The following COL5A1 variants were observed in gnomAD, a reference collection of about 807,000 sequenced individuals.
The protein encoded by COL5A1 is collagen alpha-1(V) chain.
Under a neutral mutation model 263.7 loss-of-function variants are expected in COL5A1, and 16 were observed. The observed-to-expected ratio is 0.06, with a 90% CI of 0.04 to 0.09. The LOEUF (loss-of-function observed/expected upper bound fraction) is 0.09. COL5A1 is among the 10% of genes least tolerant of loss of function. The probability of loss-of-function intolerance (pLI) is 1.00; values close to 1 mark genes in which losing one functional copy is unlikely to be tolerated. For synonymous variants in COL5A1, 1,012 were observed against 1,004.5 expected, an observed-to-expected ratio of 1.01 and a Z score of -0.14; for missense variants, 2,036 against 2,540.5, an observed-to-expected ratio of 0.80 and a Z score of 4.27.
chr9:134,816,215 G>A (rs146785717), intron 52 of COL5A1, among the ~76,000 whole-genome samples: 2 of 152,354 alleles, frequency 1.3e-5, no homozygotes, highest in Non-Finnish European at 2.9e-5. Flanking sequence ...TGCACGTGCT[G>A]TCTCAGCAGC....
intron 26 of COL5A1, among the ~76,000 whole-genome samples, chr9:134,773,843 C>T (rs935403524): frequency 8.5e-5 from 13 of 152,194 alleles, no homozygotes; most frequent in African/African-American, 2.4e-4. Flanking sequence ...CACTTCTGCC[C>T]CGTTCCCTCT....
At chr9:134,685,941 CCATCCATCCATCCATCCACT>C (rs1470178166) in intron 1 of COL5A1, among the ~76,000 whole-genome samples, 2 of 99,700 alleles carry the variant, frequency 2.0e-5, no homozygotes, top group African/African-American at 6.1e-5. Context: ...CATCCATCCA[CCATCCATCCATCCATCCACT>C]CATCCATCCA....
chr9:134,707,146 C>G (rs1833862954), intron 4 of COL5A1, among the ~76,000 whole-genome samples: 1 of 152,170 alleles, frequency 6.6e-6, no homozygotes, highest in Non-Finnish European at 1.5e-5. Context: ...GAGCTATGAC[C>G]AGGAGGGGGG....
chr9:134,659,680 G>A (rs898614963), intron 1 of COL5A1, among the ~76,000 whole-genome samples: 5 of 152,174 alleles, frequency 3.3e-5, no homozygotes, highest in African/African-American at 7.2e-5. Context: ...CCTGGTGGCG[G>A]GTCTCAGGAG....
At chr9:134,820,077 C>T in intron 57 of COL5A1, 39 bp from the exon 58 acceptor site, 3 of 1,506,104 alleles carry the variant, frequency 2.0e-6, no homozygotes, top group South Asian at 1.1e-5. Flanking sequence ...TGAGGCGTGG[C>T]TCCCTCAAAT....
At chr9:134,839,179 C>T (rs1471221756) in intron 65 of COL5A1, among the ~76,000 whole-genome samples, 5 of 152,318 alleles carry the variant, frequency 3.3e-5, no homozygotes, top group Admixed American at 6.5e-5. Flanking sequence ...GGCCGCTGAG[C>T]GGGCCCAGTG....
At chr9:134,776,740 C>A (rs1403606354) in intron 27 of COL5A1, among the ~76,000 whole-genome samples, 2 of 152,164 alleles carry the variant, frequency 1.3e-5, no homozygotes, top group Non-Finnish European at 2.9e-5. Context: ...ACCAAAAGAC[C>A]CTAAAATGGG....
rs1237555914 is a variant in COL5A1 at position 134,686,826 on chromosome 9, T to G, written c.110-4086T>G. ...CTAGGTGCTGGGGGTAAACACTTCT[T>G]GTAGTTTAAAGATTCTGATGCCCGT... On this transcript the variant is annotated intron_variant, in intron 1 of 65. Coordinates refer to ENST00000371817, the MANE Select transcript of COL5A1 (RefSeq NM_000093.5). This position sits in a 1 kb window ranked among gnomAD's most constrained non-coding sequence, Gnocchi z 4.6. 6.6e-6 allele frequency among the ~76,000 whole-genome samples: 1 copy of G among 152,078 alleles called. No homozygotes were observed. Among genetic ancestry groups the G allele is most frequent in the Non-Finnish European group, 1.5e-5 (1 of 68,016 alleles).
Position 134,809,298 on chromosome 9 carries a change from A to G in COL5A1, c.3474+8A>G. 6.3e-7 allele frequency: 1 copy of G among 1,599,896 alleles called. No individual in the cohort carries two copies. The highest frequency in any genetic ancestry group is 1.1e-5 in the South Asian group (1 of 89,202). ...GGAGAAGACGGAGATAAGGTAAGGC[A>G]AATCCAGAGTGACCCATGGCTGGGC... is the stretch of plus-strand genomic sequence containing the variant. On this transcript the variant is annotated splice_region_variant and intron_variant, in intron 43 of 65. Coordinates refer to ENST00000371817, the MANE Select transcript of COL5A1 (RefSeq NM_000093.5).
At chr9:134,778,077 G>A (rs998627865) in intron 27 of COL5A1, among the ~76,000 whole-genome samples, 1 of 152,132 alleles carries the variant, frequency 6.6e-6, no homozygotes, top group African/African-American at 2.4e-5. Flanking sequence ...GGGTTCTGGG[G>A]CTGTTGTCTC....
intron 4 of COL5A1, among the ~76,000 whole-genome samples, chr9:134,719,248 T>C (rs7035739): frequency 0.48 from 72,494 of 151,888 alleles, 17,635 homozygotes; most frequent in Admixed American, 0.62. Flanking sequence ...CATAAAAGTG[T>C]GTGCATGCAC....
intron 18 of COL5A1, among the ~76,000 whole-genome samples, 169 bp from the exon 19 acceptor site, chr9:134,761,756 C>G (rs759785532): frequency 6.6e-6 from 1 of 152,196 alleles, no homozygotes; most frequent in Non-Finnish European, 1.5e-5. Context: ...CCTGCATTAG[C>G]CCGGCTGAGG....
At chr9:134,780,610 G>A (rs370024037) in intron 28 of COL5A1, among the ~76,000 whole-genome samples, 12 of 152,360 alleles carry the variant, frequency 7.9e-5, no homozygotes, top group African/African-American at 2.9e-4. Flanking sequence ...GGCAGGGAGG[G>A]AGAGAGGCCG....
chr9:134,796,815 C>T, intron 35 of COL5A1, 33 bp from the exon 36 acceptor site: 1 of 1,608,764 alleles, frequency 6.2e-7, no homozygotes, highest in Non-Finnish European at 8.5e-7. Context: ...GGAGAGACCT[C>T]TTGTCCTCAA....
chr9:134,727,594 GTT>G (rs1483844490), intron 5 of COL5A1, among the ~76,000 whole-genome samples, 197 bp downstream of exon 5: 1 of 152,206 alleles, frequency 6.6e-6, no homozygotes, highest in Non-Finnish European at 1.5e-5. Flanking sequence ...GGGTCACAGA[GTT>G]TGTCATCAAT....
chr9:134,731,984 C>T (rs547332812), intron 8 of COL5A1, 87 bp from the exon 9 acceptor site: 23 of 1,497,514 alleles, frequency 1.5e-5, no homozygotes, highest in African/African-American at 6.9e-5. Context: ...CTCGGCCTTG[C>T]GAAATCGGGC....
intron 1 of COL5A1, among the ~76,000 whole-genome samples, chr9:134,664,148 A>G (rs1285669036): frequency 6.6e-6 from 1 of 152,242 alleles, no homozygotes; most frequent in African/African-American, 2.4e-5. Flanking sequence ...GAACTGGGCT[A>G]GAGTGTTGCA....
chr9:134,760,381 C>T (rs1836319577), intron 18 of COL5A1, among the ~76,000 whole-genome samples: 1 of 97,286 alleles, frequency 1.0e-5, no homozygotes, highest in Non-Finnish European at 1.9e-5. Context: ...ACCACACATG[C>T]ATACACACCC....
At chr9:134,767,861 C>A (rs1836732057) in intron 24 of COL5A1, among the ~76,000 whole-genome samples, 1 of 152,178 alleles carries the variant, frequency 6.6e-6, no homozygotes, top group Non-Finnish European at 1.5e-5. Flanking sequence ...TGGTTGCGAT[C>A]AGCAAAAACA....
Sources: gnomAD v4.1 joint callset for allele counts (sites outside exome capture counted in the v4.1 genomes callset) on GRCh38, gnomAD v4.1.1 for gene constraint, Gnocchi (gnomAD v3.1) non-coding constraint, MANE v1.5 for transcripts, NCBI Gene and HGNC (gene_info 2026-07-23, HGNC 2026-07-21) for gene names.